GTF2H2C: variants seen among roughly 807,000 people sequenced by gnomAD.
GTF2H2C encodes the protein GTF2H2 family member C, also known as general transcription factor IIH subunit 2-like protein.
Under a neutral mutation model 24.8 loss-of-function variants are expected in GTF2H2C, and 5 were observed. That is an observed-to-expected ratio of 0.20 (90% CI 0.11 to 0.42). The LOEUF (loss-of-function observed/expected upper bound fraction) is 0.42, where lower values mean the gene tolerates loss of function less well. Ranked by LOEUF, GTF2H2C falls within the 20% of genes least tolerant of loss-of-function variation. The pLI is 1.00. For synonymous variants in GTF2H2C, 14 were observed against 52.6 expected (o/e 0.27, Z 3.18); for missense variants, 45 against 169.8 (o/e 0.27, Z 4.08).
chr5:69,561,803 C>T (rs1770375668), intron 1 of GTF2H2C, among the ~76,000 whole-genome samples: 1 of 150,688 alleles, frequency 6.6e-6, no homozygotes, highest in Non-Finnish European at 1.5e-5. Flanking sequence ...CCACCTCGCC[C>T]AGCTAATTTT....
Position 69,594,531 on chromosome 5 carries a change from C to G in GTF2H2C, c.*2333C>G, listed in dbSNP as rs1580662563. ...GGAGTCATACTCCATGAGCCTGGAC[C>G]CAGTGGTTCTTTATGTGGAAACAAA... On this transcript the variant is annotated 3_prime_UTR_variant, in exon 17 of 17. Transcript: ENST00000380729. The G allele has an allele frequency of 6.9e-6, 1 of 144,350 alleles. No individual in the cohort carries two copies. Among genetic ancestry groups the G allele is most frequent in the African/African-American group, 2.5e-5 (1 of 39,876 alleles). 8.9% of individuals were successfully genotyped at this position (144,350 alleles called of 1,614,324 possible).
rs377224313 is a variant in GTF2H2C at position 69,573,452 on chromosome 5, A to C, written c.470+902A>C. 4.3e-4 allele frequency among the ~76,000 whole-genome samples: 29 copies of C among 66,768 alleles called. No homozygotes were observed. In the East Asian group the frequency reaches 0.01, roughly 24 times the overall value. 43.8% of individuals were successfully genotyped at this position (66,768 alleles called of 152,430 possible). On this transcript the variant is annotated intron_variant, in intron 9 of 16. Transcript: ENST00000380729. ...GCCCACCTCAGCCTCCCTAAAGCTT[A>C]TATATTTTATCTCTGGATAGTCTGC...
chr5:69,573,240 C>T (rs1771185930), intron 9 of GTF2H2C, among the ~76,000 whole-genome samples: 2 of 135,088 alleles, frequency 1.5e-5, no homozygotes, highest in Admixed American at 1.5e-4. Context: ...GGCTGGCATG[C>T]AGTGGCGTGA....
chr5:69,563,743 C>T (rs1431910091), intron 2 of GTF2H2C, among the ~76,000 whole-genome samples: 3 of 151,992 alleles, frequency 2.0e-5, no homozygotes, highest in East Asian at 1.9e-4. Flanking sequence ...GTTATGTCCA[C>T]GTGTACTCAG....
Position 69,566,126 on chromosome 5 carries a change from T to TA in GTF2H2C, c.57-4dup. On this transcript the variant is annotated splice_region_variant and splice_polypyrimidine_tract_variant and intron_variant, in intron 3 of 16. Transcript: ENST00000380729. ...TCTTTTCAAACAAATAATTATGACTTATAGGGAGATTCTTAAAGAAGATGA... is the reference window on the plus strand; with the variant it reads ...TCTTTTCAAACAAATAATTATGACTTAATAGGGAGATTCTTAAAGAAGATGA... 6.3e-7 allele frequency: 1 copy of TA among 1,590,770 alleles called. No homozygotes were observed. Among genetic ancestry groups the TA allele is most frequent in the Non-Finnish European group, 8.6e-7 (1 of 1,164,494 alleles).
intron 3 of GTF2H2C, 126 bp downstream of exon 3, chr5:69,565,314 T>A: frequency 2.9e-6 from 1 of 346,232 alleles, no homozygotes; most frequent in Non-Finnish European, 4.9e-6. Context: ...TTCAGTGATG[T>A]TTTATTAATA....
intron 8 of GTF2H2C, chr5:69,568,791 G>A (rs1318030019): frequency 2.6e-5 from 2 of 76,240 alleles, no homozygotes; most frequent in African/African-American, 5.1e-5. Flanking sequence ...CACCGCATCC[G>A]GCCTTATCCT....
chr5:69,577,370 A>G (rs1482572730), intron 9 of GTF2H2C, among the ~76,000 whole-genome samples: 1 of 138,298 alleles, frequency 7.2e-6, no homozygotes, highest in East Asian at 2.2e-4. Context: ...TTTTAGATAT[A>G]ATGCTGTTGC....
chr5:69,568,436 T>G (rs1166439308), intron 8 of GTF2H2C: 7 of 444,648 alleles, frequency 1.6e-5, no homozygotes, highest in African/African-American at 1.5e-4. Context: ...ACATTGAATA[T>G]AAATGTTTTT....
At chr5:69,566,816 G>T in intron 5 of GTF2H2C, 151 bp from the exon 6 acceptor site, 2 of 184,372 alleles carry the variant, frequency 1.1e-5, no homozygotes, top group Admixed American at 3.1e-4. Context: ...GGGCACAGTG[G>T]CTCATGCCTA....
At chr5:69,568,431 G>A (rs561686765) in intron 8 of GTF2H2C, 21 of 382,686 alleles carry the variant, frequency 5.5e-5, no homozygotes, top group Non-Finnish European at 9.4e-5. Flanking sequence ...ATACTACATT[G>A]AATATAAATG....
intron 9 of GTF2H2C, among the ~76,000 whole-genome samples, chr5:69,574,280 TGACA>T (rs1457490273): frequency 5.7e-5 from 6 of 105,708 alleles, no homozygotes; most frequent in Non-Finnish European, 1.1e-4. Flanking sequence ...TTTTACAAAC[TGACA>T]GTTTATGGCA....
intron 1 of GTF2H2C, among the ~76,000 whole-genome samples, chr5:69,561,553 CAGAAA>C (rs1344975300): frequency 3.3e-5 from 1 of 30,048 alleles, no homozygotes; most frequent in Non-Finnish European, 8.4e-5. Context: ...ACTCTTGTCT[CAGAAA>C]AAAAAGAAAA....
At chr5:69,564,375 T>G (rs1409992677) in intron 2 of GTF2H2C, among the ~76,000 whole-genome samples, 2 of 149,438 alleles carry the variant, frequency 1.3e-5, no homozygotes, top group East Asian at 3.9e-4. Context: ...GACATACATG[T>G]GTCCAATAAA....
intron 12 of GTF2H2C, among the ~76,000 whole-genome samples, chr5:69,580,738 AAAAAT>A (rs1030301592): frequency 6.4e-5 from 8 of 124,956 alleles, no homozygotes; most frequent in African/African-American, 1.8e-4. Context: ...TCTGTCTCAA[AAAAAT>A]AAAATAAAAT....
At chr5:69,574,987 C>T (rs1369889844) in intron 9 of GTF2H2C, among the ~76,000 whole-genome samples, 1 of 13,338 alleles carries the variant, frequency 7.5e-5, no homozygotes, top group African/African-American at 1.8e-4. Context: ...GGCACAGTGG[C>T]GAGCACCTGT....
At position 69,566,064 on chromosome 5, in the gene GTF2H2C, TTTTCA is replaced by T. The variant is rs1770735584; in HGVS notation, c.57-58_57-54del. The T allele has an allele frequency of 2.3e-6, 3 of 1,289,332 alleles. No individual in the cohort carries two copies. In the African/African-American group the frequency reaches 4.5e-5, roughly 19 times the overall value. The allele number at this position is 1,289,332 out of a possible 1,614,324, so 79.9% of individuals were successfully genotyped here. A position where few individuals can be genotyped will look rare whatever the true frequency, so the allele number is the denominator to read the frequency against. On this transcript the variant is annotated intron_variant, in intron 3 of 16. Coordinates refer to ENST00000380729, the MANE Select transcript of GTF2H2C (RefSeq NM_001376000.2). ...ATGCAAATCTTTGTGTGGACATATA[TTTTCA>T]TTTCATTTGGGCTAGTAATCATTTT...
chr5:69,563,373 C>T (rs1288227235), intron 2 of GTF2H2C, among the ~76,000 whole-genome samples: 2 of 151,248 alleles, frequency 1.3e-5, no homozygotes, highest in Non-Finnish European at 1.5e-5. Flanking sequence ...TGCCACCATG[C>T]CCAACTAATT....
rs1771669742 is a variant in GTF2H2C, at chr5:69,582,717, A to T, written c.821+288A>T. 1.6e-4 allele frequency among the ~76,000 whole-genome samples: 4 copies of T among 25,434 alleles called. 2 individuals carry two copies. The highest frequency in any genetic ancestry group is 5.7e-4 in the Admixed American group (2 of 3,512). 16.7% of individuals were successfully genotyped at this position (25,434 alleles called of 152,430 possible). On this transcript the variant is annotated intron_variant, in intron 13 of 16. Transcript: ENST00000380729. ...AAAACTTAAAAGGGGTGGAGGGGGA[A>T]ATTTTTTTTTTTAATGTTTACCTCA...
Sources: allele counts gnomAD v4.1 joint callset (sites outside exome capture counted in the v4.1 genomes callset), GRCh38; gene constraint gnomAD v4.1.1; transcripts MANE v1.5; gene names NCBI Gene and HGNC (gene_info 2026-07-23, HGNC 2026-07-21).